The following CECR2 variants were observed in gnomAD, a reference collection of about 807,000 sequenced individuals.
The protein encoded by CECR2 is CECR2 histone acetyl-lysine reader.
A neutral mutation model predicts 154.5 loss-of-function variants in CECR2; 30 were observed. The observed-to-expected ratio is 0.19, with a 90% CI of 0.15 to 0.26. The LOEUF (loss-of-function observed/expected upper bound fraction) is 0.26. Ranked by LOEUF, CECR2 falls within the 10% of genes least tolerant of loss-of-function variation. The pLI, the probability that CECR2 is intolerant of heterozygous loss-of-function variation, is 1.00. For missense variants in CECR2, 1,743 were observed against 1,829.3 expected (o/e 0.95, Z 0.86); for synonymous variants, 725 against 683.7 (o/e 1.06, Z -0.94).
At position 17,542,660 on chromosome 22, in the gene CECR2, C is replaced by T. The variant is rs1348380033; in HGVS notation, c.2517C>T (p.Tyr839=). 8.1e-6 allele frequency: 13 copies of T among 1,614,052 alleles called. No homozygotes were observed. Among genetic ancestry groups the T allele is most frequent in the Non-Finnish European group, 1.1e-5 (13 of 1,179,912 alleles). The change falls in exon 16 of 19, where the codon TAC becomes TAT. Residue 839 remains tyrosine (Y), a synonymous_variant. Coordinates refer to ENST00000262608, the MANE Select transcript of CECR2 (RefSeq NM_001290047.2). ...CTCATGGAGTTCCTTCCTCAGGGTA[C>T]ATGCGACCGCCCTGCAAGTCTGCCG... ...FLPHGVPSSG[Y]MRPPCKSAGH...
At chr22:17,368,152 T>C (rs957824058), upstream of CECR2, among the ~76,000 whole-genome samples, 6 of 151,598 alleles carry the variant, frequency 4.0e-5, no homozygotes, top group Admixed American at 2.0e-4. Flanking sequence ...CCTTAAAAAA[T>C]ACAACAAGTT....
intron 1 of CECR2, among the ~76,000 whole-genome samples, chr22:17,378,079 G>A (rs2063139017): frequency 6.6e-6 from 1 of 152,050 alleles, no homozygotes; most frequent in Non-Finnish European, 1.5e-5. Flanking sequence ...CGCCCCCCGG[G>A]TTCACGCCAT....
intron 1 of CECR2, among the ~76,000 whole-genome samples, chr22:17,373,776 T>G (rs1401234288): frequency 1.3e-5 from 2 of 152,194 alleles, no homozygotes; most frequent in East Asian, 3.8e-4. Flanking sequence ...ACTTGGAAAT[T>G]TACCAAAGAA....
chr22:17,424,705 C>T (rs571886862), intron 1 of CECR2: 1 of 159,192 alleles, frequency 6.3e-6, no homozygotes, highest in Non-Finnish European at 1.5e-5. Flanking sequence ...GCACCTGCAG[C>T]TGTGGGTTGT....
chr22:17,534,664 C>G (rs573878750), intron 9 of CECR2: 1 of 150,348 alleles, frequency 6.7e-6, no homozygotes, highest in African/African-American at 2.4e-5. Context: ...CCTGCCACCA[C>G]GCCTGGCTAA....
At chr22:17,488,157 A>T (rs940851104) in intron 2 of CECR2, among the ~76,000 whole-genome samples, 1 of 152,298 alleles carries the variant, frequency 6.6e-6, no homozygotes, top group East Asian at 1.9e-4. Context: ...TGCTGGGATT[A>T]CAGGCGTGAG....
chr22:17,476,557 C>G (rs925012057), intron 1 of CECR2, among the ~76,000 whole-genome samples: 5 of 152,118 alleles, frequency 3.3e-5, no homozygotes, highest in African/African-American at 1.2e-4. Flanking sequence ...AACCCCACCC[C>G]GTTTTGTGTC....
At chr22:17,380,489 A>T (rs2063174617) in intron 1 of CECR2, among the ~76,000 whole-genome samples, 1 of 151,938 alleles carries the variant, frequency 6.6e-6, no homozygotes, top group Non-Finnish European at 1.5e-5. Flanking sequence ...TACAGCCCAG[A>T]CTCTTTATGA....
At chr22:17,437,073 A>G (rs1286049837) in intron 1 of CECR2, among the ~76,000 whole-genome samples, 1 of 152,182 alleles carries the variant, frequency 6.6e-6, no homozygotes, top group Non-Finnish European at 1.5e-5. Context: ...CTCTTGCTGC[A>G]GTCTGATGAC....
At chr22:17,404,368 CT>C (rs1161498081) in intron 1 of CECR2, among the ~76,000 whole-genome samples, 104 of 28,724 alleles carry the variant, frequency 3.6e-3, no homozygotes, top group Non-Finnish European at 5.6e-3. Flanking sequence ...CCTGTTCTTT[CT>C]TTTTTTTTTT....
At chr22:17,385,597 C>A (rs1052092429) in intron 1 of CECR2, among the ~76,000 whole-genome samples, 1 of 152,168 alleles carries the variant, frequency 6.6e-6, no homozygotes, top group Non-Finnish European at 1.5e-5. Context: ...TCACTAGTCA[C>A]AGATCAACAT....
At position 17,542,837 on chromosome 22, in the gene CECR2, A is replaced by G; in HGVS notation, c.2694A>G (p.Pro898=). ...AGCTCTCCTCCCGCGTCTGCCCCCC[A>G]GGTGTGCCTTACCACCCCCACCAGC... ...MQQLSSRVCP[P]GVPYHPHQPA... Residue 898 remains proline (P), a synonymous_variant, in exon 16 of 19, where the codon CCA becomes CCG. Coordinates refer to ENST00000262608, the MANE Select transcript of CECR2 (RefSeq NM_001290047.2). 6.2e-7 allele frequency: 1 copy of G among 1,613,380 alleles called. No homozygotes were observed. Among genetic ancestry groups the G allele is most frequent in the Non-Finnish European group, 8.5e-7 (1 of 1,179,542 alleles).
chr22:17,509,967 G>C (rs1284723235), intron 7 of CECR2, among the ~76,000 whole-genome samples: 4 of 152,052 alleles, frequency 2.6e-5, no homozygotes, highest in Non-Finnish European at 5.9e-5. Context: ...CCATATAAAA[G>C]TTTACTTAAA....
intron 1 of CECR2, among the ~76,000 whole-genome samples, chr22:17,469,254 G>A (rs1338826467): frequency 6.6e-6 from 1 of 151,930 alleles, no homozygotes; most frequent in East Asian, 1.9e-4. Flanking sequence ...TGTGTTATGT[G>A]CTGACCTCAC....
At chr22:17,410,367 T>A (rs1231265991) in intron 1 of CECR2, among the ~76,000 whole-genome samples, 1 of 152,196 alleles carries the variant, frequency 6.6e-6, no homozygotes. Context: ...ATTTTTCTAA[T>A]GGGAGGAGAA....
Position 17,504,830 on chromosome 22 carries a change from G to C in CECR2, c.701-17G>C. Reference sequence around the variant, plus strand: ...TCATGGGATCTCCTGTAGTGAATCCGTTCCTTTATTTTCTAGGGTCCCAAG... The same window carrying C: ...TCATGGGATCTCCTGTAGTGAATCCCTTCCTTTATTTTCTAGGGTCCCAAG... On this transcript the variant is annotated splice_polypyrimidine_tract_variant and intron_variant, in intron 6 of 18. Coordinates refer to ENST00000262608, the MANE Select transcript of CECR2 (RefSeq NM_001290047.2). 1 of 1,608,506 alleles carries C rather than the reference G, an allele frequency of 6.2e-7. No homozygotes were observed. Among genetic ancestry groups the C allele is most frequent in the Non-Finnish European group, 8.5e-7 (1 of 1,177,278 alleles).
chr22:17,368,517 G>A (rs1201281001), upstream of CECR2, among the ~76,000 whole-genome samples: 1 of 152,056 alleles, frequency 6.6e-6, no homozygotes, highest in Non-Finnish European at 1.5e-5. Flanking sequence ...TTAGGATTTA[G>A]CAGTACTCCA....
intron 8 of CECR2, among the ~76,000 whole-genome samples, chr22:17,515,896 C>T (rs1487237372): frequency 2.0e-5 from 3 of 151,908 alleles, no homozygotes; most frequent in Admixed American, 6.6e-5. Flanking sequence ...AGGATGGTCT[C>T]GATCTCCTGA....
chr22:17,464,402 C>T (rs1041657902), intron 1 of CECR2, among the ~76,000 whole-genome samples: 18 of 152,226 alleles, frequency 1.2e-4, no homozygotes, highest in African/African-American at 3.9e-4. Flanking sequence ...GGCATCTTTG[C>T]TCTGCCACCC....
Sources: allele counts gnomAD v4.1 joint callset (sites outside exome capture counted in the v4.1 genomes callset), GRCh38; gene constraint gnomAD v4.1.1; transcripts MANE v1.5; gene names NCBI Gene and HGNC (gene_info 2026-07-23, HGNC 2026-07-21).